The following CCSER1 variants were observed in gnomAD, a reference collection of about 807,000 sequenced individuals.
CCSER1 encodes coiled-coil serine rich protein 1.
A neutral mutation model predicts 82.0 loss-of-function variants in CCSER1; 41 were observed. The observed-to-expected ratio is 0.50, with a 90% CI of 0.39 to 0.65. CCSER1 has a LOEUF of 0.65. CCSER1 is among the 30% of genes least tolerant of loss of function. The probability of loss-of-function intolerance (pLI) is 0.00; values close to 1 mark genes in which losing one functional copy is unlikely to be tolerated. For synonymous variants in CCSER1, 414 were observed against 383.9 expected, an observed-to-expected ratio of 1.08 and a Z score of -0.92; for missense variants, 1,119 against 1,064.2, an observed-to-expected ratio of 1.05 and a Z score of -0.72.
intron 7 of CCSER1, among the ~76,000 whole-genome samples, chr4:90,738,095 C>T (rs1443023125): frequency 6.6e-6 from 1 of 152,130 alleles, no homozygotes; most frequent in African/African-American, 2.4e-5. Flanking sequence ...GCATTGGCCA[C>T]TGGAGCCATA....
chr4:90,230,505 C>A (rs926341957), intron 1 of CCSER1, among the ~76,000 whole-genome samples: 1 of 151,726 alleles, frequency 6.6e-6, no homozygotes, highest in African/African-American at 2.4e-5. Context: ...ACTAAATGCC[C>A]ACAAGAGGAA....
intron 3 of CCSER1, among the ~76,000 whole-genome samples, chr4:90,334,261 T>C (rs1248963978): frequency 2.0e-5 from 3 of 151,626 alleles, no homozygotes. Context: ...CCAGGGAGAG[T>C]CACTATTATA....
At chr4:91,384,034 T>C (rs990392121) in intron 10 of CCSER1, among the ~76,000 whole-genome samples, 1 of 152,154 alleles carries the variant, frequency 6.6e-6, no homozygotes, top group Non-Finnish European at 1.5e-5. Flanking sequence ...TCCCAGTGGG[T>C]AATCTATTCC....
chr4:91,022,903 G>C (rs2150531955), intron 9 of CCSER1, among the ~76,000 whole-genome samples: 1 of 152,198 alleles, frequency 6.6e-6, no homozygotes, highest in South Asian at 2.1e-4. Context: ...GTAGATTCTG[G>C]ATGTTAGCCC....
chr4:91,050,600 C>A (rs1425745762), intron 9 of CCSER1, among the ~76,000 whole-genome samples: 1 of 152,060 alleles, frequency 6.6e-6, no homozygotes, highest in East Asian at 1.9e-4. Flanking sequence ...AACAAAGGAA[C>A]AAAGACCCTG....
At chr4:91,514,250 T>C (rs1311502901) in intron 10 of CCSER1, among the ~76,000 whole-genome samples, 1 of 152,194 alleles carries the variant, frequency 6.6e-6, no homozygotes, top group Non-Finnish European at 1.5e-5. Context: ...TTAATTTCTA[T>C]GTACTTGTGT....
At chr4:91,084,050 C>G (rs1267307040) in intron 9 of CCSER1, among the ~76,000 whole-genome samples, 1 of 152,120 alleles carries the variant, frequency 6.6e-6, no homozygotes, top group Non-Finnish European at 1.5e-5. Context: ...CCTGCCTCAG[C>G]CTCCCGAGTA....
intron 8 of CCSER1, among the ~76,000 whole-genome samples, chr4:90,849,981 T>C (rs1763667338): frequency 1.3e-5 from 2 of 152,046 alleles, no homozygotes; most frequent in Admixed American, 1.3e-4. Flanking sequence ...AATGGTTTCA[T>C]GGGCTGGGCA....
intron 6 of CCSER1, chr4:90,663,911 G>T (rs2149108251): frequency 2.9e-6 from 1 of 339,562 alleles, no homozygotes; most frequent in South Asian, 2.4e-5. Context: ...CTAGTTGTAT[G>T]AAAGTGAAGC....
At chr4:90,519,862 G>A (rs911527151) in intron 5 of CCSER1, among the ~76,000 whole-genome samples, 2 of 151,912 alleles carry the variant, frequency 1.3e-5, no homozygotes, top group Non-Finnish European at 2.9e-5. Context: ...AACAGATTCA[G>A]AAAAAAACTT....
chr4:91,503,013 T>C (rs1759290210), intron 10 of CCSER1, among the ~76,000 whole-genome samples: 2 of 152,170 alleles, frequency 1.3e-5, no homozygotes, highest in Admixed American at 1.3e-4. Context: ...AAAAAAAATT[T>C]TACTTTTAAA....
At chr4:90,777,477 G>A (rs1438723718) in intron 7 of CCSER1, among the ~76,000 whole-genome samples, 1 of 151,510 alleles carries the variant, frequency 6.6e-6, no homozygotes, top group Non-Finnish European at 1.5e-5. Flanking sequence ...ATTAATCATG[G>A]ATAATTTGAA....
At chr4:90,448,444 A>AACAT (rs71596528) in intron 4 of CCSER1, among the ~76,000 whole-genome samples, 8 of 44,100 alleles carry the variant, frequency 1.8e-4, no homozygotes, top group African/African-American at 3.9e-4. Context: ...AGGTGAATTG[A>AACAT]ATATATATAT....
chr4:91,156,606 A>C lies in CCSER1; in HGVS notation c.2217+70612A>C, dbSNP rs73834804. 4.9e-3 allele frequency among the ~76,000 whole-genome samples: 746 copies of C among 151,916 alleles called. 11 individuals are homozygous for C. The highest frequency in any genetic ancestry group is 0.017 in the African/African-American group (711 of 41,548). Reference sequence around the variant, plus strand: ...TTTAATTTAAGAAAAGCTTTAAAATATTCAAAAATTTTGAGCAATGATGAG... The same window carrying C: ...TTTAATTTAAGAAAAGCTTTAAAATCTTCAAAAATTTTGAGCAATGATGAG... On this transcript the variant is annotated intron_variant, in intron 10 of 10. Transcript: ENST00000509176.
intron 1 of CCSER1, among the ~76,000 whole-genome samples, chr4:90,202,541 C>T (rs1204613925): frequency 6.6e-6 from 1 of 152,166 alleles, no homozygotes; most frequent in Non-Finnish European, 1.5e-5. Context: ...TACAATCTTC[C>T]CAAACTGGCT....
intron 3 of CCSER1, among the ~76,000 whole-genome samples, chr4:90,339,299 C>T (rs1045743734): frequency 1.3e-5 from 2 of 152,132 alleles, no homozygotes; most frequent in Non-Finnish European, 2.9e-5. Context: ...GTCGGGGTGG[C>T]CTCTCTGGCT....
chr4:91,387,444 G>GA (rs1392188282), intron 10 of CCSER1, among the ~76,000 whole-genome samples: 10 of 151,660 alleles, frequency 6.6e-5, no homozygotes, highest in African/African-American at 2.4e-4. Flanking sequence ...AGGACACTGA[G>GA]AAAAAAATGA....
At chr4:90,819,308 C>A (rs530470842) in intron 8 of CCSER1, among the ~76,000 whole-genome samples, 3 of 152,148 alleles carry the variant, frequency 2.0e-5, no homozygotes, top group African/African-American at 7.2e-5. Context: ...AATATCATCA[C>A]GCCGGGAGTC....
intron 1 of CCSER1, among the ~76,000 whole-genome samples, chr4:90,220,674 A>T (rs1363361707): frequency 6.6e-6 from 1 of 152,232 alleles, no homozygotes; most frequent in East Asian, 1.9e-4. Context: ...CATTTGCGAC[A>T]GCAATGACAT....
Sources: gnomAD v4.1 joint callset for allele counts (sites outside exome capture counted in the v4.1 genomes callset) on GRCh38, gnomAD v4.1.1 for gene constraint, MANE v1.5 for transcripts, NCBI Gene and HGNC (gene_info 2026-07-23, HGNC 2026-07-21) for gene names.